AGMO: variants seen among roughly 807,000 people sequenced by gnomAD.
AGMO encodes the protein alkylglycerol monooxygenase.
AGMO carries 75 observed loss-of-function variants against 60.2 expected under a neutral mutation model. That is an observed-to-expected ratio of 1.25 (90% CI 1.03 to 1.51). The LOEUF (loss-of-function observed/expected upper bound fraction) is 1.51, where lower values mean the gene tolerates loss of function less well. Among genes scored for constraint, AGMO ranks in the 40% most tolerant of loss-of-function variants. AGMO has a pLI of 0.00. For missense variants in AGMO, 763 were observed against 525.5 expected (o/e 1.45, Z -4.42); for synonymous variants, 261 against 177.1 (o/e 1.47, Z -3.76).
chr7:15,332,267 T>A (rs890160409), intron 12 of AGMO, among the ~76,000 whole-genome samples: 1 of 152,120 alleles, frequency 6.6e-6, no homozygotes, highest in Non-Finnish European at 1.5e-5. Flanking sequence ...TTTCTCCCTA[T>A]CAGGACTCCC....
At chr7:15,314,154 A>G (rs774308437) in intron 12 of AGMO, among the ~76,000 whole-genome samples, 6 of 152,022 alleles carry the variant, frequency 3.9e-5, no homozygotes, top group Non-Finnish European at 5.9e-5. Context: ...AAGTTGGACA[A>G]AAAGGTGATT....
chr7:15,165,300 T>A, the AGMO span, among the ~76,000 whole-genome samples: 2 of 152,062 alleles, frequency 1.3e-5, no homozygotes, highest in Non-Finnish European at 2.9e-5. Flanking sequence ...ATTCAGGTGA[T>A]GGGTACACTA....
intron 2 of AGMO, among the ~76,000 whole-genome samples, chr7:15,546,181 T>C (rs1367948240): frequency 6.6e-6 from 1 of 152,192 alleles, no homozygotes; most frequent in Non-Finnish European, 1.5e-5. Flanking sequence ...TCTCATACTT[T>C]AATATTTCAA....
At chr7:15,474,982 C>T (rs1165863234) in intron 3 of AGMO, among the ~76,000 whole-genome samples, 1 of 151,962 alleles carries the variant, frequency 6.6e-6, no homozygotes, top group Non-Finnish European at 1.5e-5. Flanking sequence ...CAAATCAAAA[C>T]CACAATGAGA....
chr7:15,314,558 T>C (rs768447299), intron 12 of AGMO, among the ~76,000 whole-genome samples: 1 of 152,176 alleles, frequency 6.6e-6, no homozygotes, highest in Non-Finnish European at 1.5e-5. Context: ...TAGGTTAATC[T>C]GAAGTTTTTA....
the AGMO span, among the ~76,000 whole-genome samples, chr7:15,185,609 C>A: frequency 2.0e-5 from 3 of 152,144 alleles, no homozygotes; most frequent in East Asian, 5.8e-4. Flanking sequence ...CAGTCCTGCT[C>A]ACGGAGGCCA....
At chr7:15,239,638 G>A (rs1199903190) in intron 12 of AGMO, among the ~76,000 whole-genome samples, 1 of 152,078 alleles carries the variant, frequency 6.6e-6, no homozygotes, top group African/African-American at 2.4e-5. Context: ...TGACATTTCA[G>A]TATGAGTTTA....
intron 12 of AGMO, among the ~76,000 whole-genome samples, chr7:15,256,382 G>T (rs765702372): frequency 6.6e-6 from 1 of 151,778 alleles, no homozygotes; most frequent in East Asian, 1.9e-4. Context: ...TCGCTCTGTC[G>T]CCCAGGCTGG....
intron 6 of AGMO, among the ~76,000 whole-genome samples, chr7:15,392,659 C>G (rs887646570): frequency 5.3e-5 from 8 of 151,940 alleles, no homozygotes; most frequent in African/African-American, 1.9e-4. Context: ...ATTAACCACA[C>G]GTGGTGGCTG....
intron 2 of AGMO, among the ~76,000 whole-genome samples, chr7:15,553,725 T>C (rs1426582081): frequency 6.6e-6 from 1 of 152,070 alleles, no homozygotes; most frequent in African/African-American, 2.4e-5. Flanking sequence ...CATAAATAAA[T>C]AAATAAATAA....
intron 12 of AGMO, among the ~76,000 whole-genome samples, chr7:15,357,505 C>T (rs73300312): frequency 0.033 from 4,999 of 152,176 alleles, 272 homozygotes; most frequent in African/African-American, 0.11. Context: ...CTCTTCAAAT[C>T]AAAAGAGTTT....
chr7:15,230,010 T>A (rs1023144626), intron 12 of AGMO, among the ~76,000 whole-genome samples: 1 of 151,782 alleles, frequency 6.6e-6, no homozygotes, highest in African/African-American at 2.4e-5. Context: ...ATTAAAATTA[T>A]AATTTATACA....
chr7:15,561,859 T>C lies in AGMO; in HGVS notation c.-14A>G, dbSNP rs1245742704. Reference sequence around the variant, plus strand: ...TGGGTTCTTCATTTCTGCCCTTGTCTGATTCCCAGCTGGAGAATATTTAGG... The same window carrying C: ...TGGGTTCTTCATTTCTGCCCTTGTCCGATTCCCAGCTGGAGAATATTTAGG... On this transcript the variant is annotated 5_prime_UTR_variant, in exon 1 of 13. Coordinates refer to ENST00000342526, the MANE Select transcript of AGMO (RefSeq NM_001004320.2). The C allele has an allele frequency of 1.3e-6, 2 of 1,586,674 alleles. No homozygotes were observed. Among genetic ancestry groups the C allele is most frequent in the African/African-American group, 1.4e-5 (1 of 73,486 alleles).
At chr7:15,358,584 T>TC (rs1270974502) in intron 12 of AGMO, 4 of 335,756 alleles carry the variant, frequency 1.2e-5, no homozygotes, top group Non-Finnish European at 2.4e-5. Flanking sequence ...ACTCAGTCCC[T>TC]CCCCAAGATA....
chr7:15,195,519 G>T (rs6944905), downstream of AGMO, among the ~76,000 whole-genome samples: 2 of 152,136 alleles, frequency 1.3e-5, no homozygotes, highest in Non-Finnish European at 2.9e-5. Context: ...TTATGCAAAT[G>T]GGTTTTGTAC....
intron 12 of AGMO, among the ~76,000 whole-genome samples, chr7:15,350,451 G>C (rs1293148251): frequency 6.6e-6 from 1 of 152,138 alleles, no homozygotes; most frequent in African/African-American, 2.4e-5. Context: ...AAAGTTATTA[G>C]AGGTAGATAA....
chr7:15,191,301 A>G, the AGMO span, among the ~76,000 whole-genome samples: 2 of 152,334 alleles, frequency 1.3e-5, no homozygotes, highest in African/African-American at 4.8e-5. Context: ...GTGGGAAAAT[A>G]TATGAACCCT....
chr7:15,342,639 TCTC>T (rs1202893469), intron 12 of AGMO, among the ~76,000 whole-genome samples: 1 of 151,684 alleles, frequency 6.6e-6, no homozygotes, highest in Non-Finnish European at 1.5e-5. Context: ...TTCGGCTTTC[TCTC>T]CTGATTTTGC....
chr7:15,460,106 C>CTTTTTTTTTT (rs67388173), intron 3 of AGMO, among the ~76,000 whole-genome samples: 2 of 121,702 alleles, frequency 1.6e-5, no homozygotes, highest in Non-Finnish European at 3.4e-5. Context: ...CCAATTTCCC[C>CTTTTTTTTTT]TTTTTTTTTT....
Sources: gnomAD v4.1 joint callset for allele counts (sites outside exome capture counted in the v4.1 genomes callset) on GRCh38, gnomAD v4.1.1 for gene constraint, MANE v1.5 for transcripts, NCBI Gene and HGNC (gene_info 2026-07-23, HGNC 2026-07-21) for gene names.